Variants in DCHS2 observed in about 807,000 individuals in gnomAD.
DCHS2 encodes the protein protocadherin-23.
In DCHS2, 142 loss-of-function variants were observed where a neutral mutation model predicts 182.4. The observed-to-expected ratio is 0.78, with a 90% confidence interval of 0.68 to 0.89. The LOEUF (loss-of-function observed/expected upper bound fraction) is 0.89, where lower values mean the gene tolerates loss of function less well. DCHS2 is among the 40% of genes least tolerant of loss of function. The pLI, the probability that DCHS2 is intolerant of heterozygous loss-of-function variation, is 0.00. For missense variants in DCHS2, 4,319 were observed against 4,198.6 expected, an observed-to-expected ratio of 1.03 and a Z score of -0.79; for synonymous variants, 1,740 against 1,663.3, an observed-to-expected ratio of 1.05 and a Z score of -1.12.
At chr4:154,351,761 G>A (rs1049281546) in intron 3 of DCHS2, among the ~76,000 whole-genome samples, 23 of 152,042 alleles carry the variant, frequency 1.5e-4, no homozygotes, top group Admixed American at 4.6e-4. Flanking sequence ...TCATAATAGG[G>A]TTAGTGCTCC....
rs1355090955 is a variant in DCHS2, at chr4:154,366,287, G to C, written c.2399C>G (p.Ser800Cys). ...ATAAGCCACTGTCCCATATATCCCAGAGTCCTGGTCAGTGGCAAGAACATT... is the reference window on the plus strand; with the variant it reads ...ATAAGCCACTGTCCCATATATCCCACAGTCCTGGTCAGTGGCAAGAACATT... ...IINVLATDQDSGIYGTVAYEL... is the reference protein window; with the variant it reads ...IINVLATDQDCGIYGTVAYEL... Residue 800 changes from serine to cysteine, a missense_variant, in exon 3 of 20, where the codon TCT becomes TGT. Transcript: ENST00000357232. The C allele has an allele frequency of 6.2e-7, 1 of 1,613,740 alleles. No individual in the cohort carries two copies. Among genetic ancestry groups the C allele is most frequent in the Non-Finnish European group, 8.5e-7 (1 of 1,179,944 alleles).
Position 154,242,764 on chromosome 4 carries a change from A to G in DCHS2, c.6950T>C (p.Val2317Ala). 6.2e-7 allele frequency: 1 copy of G among 1,607,522 alleles called. No individual in the cohort carries two copies. The highest frequency in any genetic ancestry group is 1.1e-5 in the South Asian group (1 of 89,664). The part of the protein sequence containing the change: ...YELTSSYSLI[V>A]QATDKGMPRL... ...GGGCATCCCTTTATCTGTGGCTTGG[A>G]CAATCAAGCTGGTTTGGAAAAAGAA... is the stretch of plus-strand genomic sequence containing the variant. Residue 2317 changes from valine (V) to alanine (A), a missense_variant, in exon 17 of 20, where the codon GTC (valine) becomes GCC (alanine). Transcript: ENST00000357232.
intron 13 of DCHS2, among the ~76,000 whole-genome samples, chr4:154,289,025 G>A (rs921115644): frequency 2.0e-5 from 3 of 151,828 alleles, no homozygotes; most frequent in African/African-American, 7.2e-5. Context: ...AATTAAAAAA[G>A]CAAGAGCAAA....
chr4:154,329,422 ACC>A (rs1736420461), intron 6 of DCHS2, 99 bp downstream of exon 6: 2 of 1,228,474 alleles, frequency 1.6e-6, no homozygotes, highest in African/African-American at 3.0e-5. Flanking sequence ...GCTTTGCCAC[ACC>A]AAGACTGATG....
Position 154,321,230 on chromosome 4 carries a change from A to T in DCHS2, c.4177-8T>A. On this transcript the variant is annotated splice_region_variant and splice_polypyrimidine_tract_variant and intron_variant, in intron 8 of 19. Coordinates refer to ENST00000357232, the MANE Select transcript of DCHS2 (RefSeq NM_001358235.2). ...TTTGGATAGTGGGATCACCTGAAAT[A>T]CGAATAAAAGAGATATTAATTTGGG... 2 of 1,492,868 alleles carry T rather than the reference A, an allele frequency of 1.3e-6. No homozygotes were observed. The highest frequency in any genetic ancestry group is 1.8e-6 in the Non-Finnish European group (2 of 1,121,276). 92.5% of individuals were successfully genotyped at this position (1,492,868 alleles called of 1,614,324 possible).
rs745888948 is a variant in DCHS2 at position 154,235,112 on chromosome 4, A to G, written c.9540T>C (p.Asn3180=). The part of the protein sequence containing the change: ...GEGCSTTCAQ[N]NVLPQTVQKR... ...TCTGAACTGTCTGGGGTAACACATT[A>G]TTTTGAGCACAGGTGGTGCTGCAGC... is the stretch of plus-strand genomic sequence containing the variant. Residue 3180 remains asparagine (N), a synonymous_variant, in exon 20 of 20, where the codon AAT becomes AAC. Coordinates refer to ENST00000357232, the MANE Select transcript of DCHS2 (RefSeq NM_001358235.2). 1.3e-4 allele frequency: 217 copies of G among 1,613,834 alleles called. No individual in the cohort carries two copies. Among genetic ancestry groups the G allele is most frequent in the Non-Finnish European group, 1.8e-4 (212 of 1,179,952 alleles).
intron 13 of DCHS2, among the ~76,000 whole-genome samples, chr4:154,291,528 G>T (rs1021761323): frequency 7.9e-5 from 12 of 152,102 alleles, no homozygotes; most frequent in African/African-American, 2.9e-4. Flanking sequence ...CAATAGCCAA[G>T]ATTTGGAAGC....
At chr4:154,275,811 G>A (rs1316105712) in intron 13 of DCHS2, among the ~76,000 whole-genome samples, 1 of 152,070 alleles carries the variant, frequency 6.6e-6, no homozygotes, top group Non-Finnish European at 1.5e-5. Flanking sequence ...GTGACTGCTT[G>A]CATAGAAAAG....
At chr4:154,340,114 T>G (rs1420607760) in intron 3 of DCHS2, among the ~76,000 whole-genome samples, 1 of 147,998 alleles carries the variant, frequency 6.8e-6, no homozygotes, top group Non-Finnish European at 1.5e-5. Context: ...TGAAGGAAAC[T>G]TGTAAACTAT....
At chr4:154,313,509 A>T (rs559852070) in intron 10 of DCHS2, among the ~76,000 whole-genome samples, 50 of 152,298 alleles carry the variant, frequency 3.3e-4, no homozygotes, top group South Asian at 8.3e-4. Flanking sequence ...TTTTTAAAAA[A>T]ATACGTACTA....
intron 12 of DCHS2, among the ~76,000 whole-genome samples, chr4:154,303,323 C>CT (rs1735293201): frequency 6.6e-6 from 1 of 151,902 alleles, no homozygotes; most frequent in South Asian, 2.1e-4. Flanking sequence ...CTATCAAATA[C>CT]TTTTAAAAGG....
chr4:154,252,534 T>G (rs1732426189), intron 16 of DCHS2, among the ~76,000 whole-genome samples: 1 of 151,938 alleles, frequency 6.6e-6, no homozygotes, highest in South Asian at 2.1e-4. Context: ...CCTATCTGCT[T>G]GAGTTCATTT....
intron 1 of DCHS2, among the ~76,000 whole-genome samples, chr4:154,378,433 G>A (rs1731010819): frequency 7.0e-6 from 1 of 143,254 alleles, no homozygotes; most frequent in Non-Finnish European, 1.5e-5. Flanking sequence ...AAGAAAGAGA[G>A]GAAAAGAGGA....
intron 1 of DCHS2, among the ~76,000 whole-genome samples, chr4:154,463,120 T>G (rs1219095546): frequency 6.6e-6 from 1 of 150,562 alleles, no homozygotes; most frequent in Non-Finnish European, 1.5e-5. Context: ...CTTATGTATA[T>G]ACATAAGTAT....
chr4:154,338,159 T>C (rs958362427), intron 3 of DCHS2, among the ~76,000 whole-genome samples: 1 of 152,214 alleles, frequency 6.6e-6, no homozygotes, highest in African/African-American at 2.4e-5. Context: ...ATGTGCCTAT[T>C]ATGAACTTAA....
intron 14 of DCHS2, among the ~76,000 whole-genome samples, chr4:154,269,667 T>C (rs1460507242): frequency 1.3e-5 from 2 of 152,114 alleles, no homozygotes; most frequent in Non-Finnish European, 2.9e-5. Flanking sequence ...TCTTCAAAAA[T>C]TTGAAGGGCA....
At chr4:154,426,793 T>TAAAAATA (rs375729740) in intron 1 of DCHS2, among the ~76,000 whole-genome samples, 9 of 145,668 alleles carry the variant, frequency 6.2e-5, no homozygotes, top group East Asian at 2.0e-4. Context: ...AACTTAAAAA[T>TAAAAATA]AAAATAAAAT....
In DCHS2 at chr4:154,304,834, T is replaced by C; in HGVS notation, c.5440A>G (p.Thr1814Ala). The C allele has an allele frequency of 1.9e-6, 3 of 1,613,750 alleles. No individual in the cohort carries two copies. Among genetic ancestry groups the C allele is most frequent in the Non-Finnish European group, 2.5e-6 (3 of 1,179,856 alleles). ...GGFPSLSSTT[T>A]ILCTVEDEND... Reference sequence around the variant, plus strand: ...TCATCTTCAACAGTGCAGAGGATTGTTGTGGTGCTGGACAATGAAGGGAAT... The same window carrying C: ...TCATCTTCAACAGTGCAGAGGATTGCTGTGGTGCTGGACAATGAAGGGAAT... Residue 1814 changes from threonine (T) to alanine (A), a missense_variant, in exon 12 of 20, where the codon ACA (threonine) becomes GCA (alanine). Physicochemically the swap from Thr to Ala is moderately conservative, Grantham distance 58. Transcript: ENST00000357232.
At chr4:154,388,065 T>C (rs1731495808) in intron 1 of DCHS2, among the ~76,000 whole-genome samples, 1 of 152,162 alleles carries the variant, frequency 6.6e-6, no homozygotes, top group African/African-American at 2.4e-5. Context: ...CACATATACA[T>C]GTTAAACATT....
Sources: allele counts gnomAD v4.1 joint callset (sites outside exome capture counted in the v4.1 genomes callset), GRCh38; gene constraint gnomAD v4.1.1; transcripts MANE v1.5; gene names NCBI Gene and HGNC (gene_info 2026-07-23, HGNC 2026-07-21).